The following ISM1 variants were observed in gnomAD, a reference collection of about 807,000 sequenced individuals.
The protein encoded by ISM1 is isthmin-1.
ISM1 carries 25 observed loss-of-function variants against 46.3 expected under a neutral mutation model. The observed-to-expected ratio is 0.54, with a 90% confidence interval of 0.39 to 0.75. The LOEUF (loss-of-function observed/expected upper bound fraction) is 0.75, where lower values mean the gene tolerates loss of function less well. ISM1 is among the 30% of genes least tolerant of loss of function. ISM1 has a pLI of 0.00. For missense variants in ISM1, 536 were observed against 625.4 expected (o/e 0.86, Z 1.52); for synonymous variants, 255 against 256.7 (o/e 0.99, Z 0.06).
the ISM1 span, among the ~76,000 whole-genome samples, chr20:13,323,355 T>C: frequency 6.6e-6 from 1 of 152,012 alleles, no homozygotes; most frequent in Non-Finnish European, 1.5e-5. Flanking sequence ...GGCAAGAAAG[T>C]TGGAATCACA....
chr20:13,285,674 G>A (rs561146483), intron 3 of ISM1, among the ~76,000 whole-genome samples: 7 of 152,208 alleles, frequency 4.6e-5, no homozygotes, highest in African/African-American at 1.4e-4. Context: ...GAATCAGCCC[G>A]AGAGGGGAGT....
At chr20:13,290,377 C>T (rs1203853233) in intron 4 of ISM1, among the ~76,000 whole-genome samples, 5 of 152,146 alleles carry the variant, frequency 3.3e-5, no homozygotes, top group African/African-American at 7.2e-5. Context: ...TTGCCTGGTG[C>T]GGTGGCTCAT....
In ISM1 at chr20:13,261,757, T is replaced by C. The variant is rs1468195573; in HGVS notation, c.139-8747T>C. On this transcript the variant is annotated intron_variant, in intron 1 of 5. Coordinates refer to ENST00000262487, the MANE Select transcript of ISM1 (RefSeq NM_080826.2). ...AGGTTTCAATGAGGGTTCTTAACTTTAGTGTTGAGAAGAATCCATCTCCTT... is the reference window on the plus strand; with the variant it reads ...AGGTTTCAATGAGGGTTCTTAACTTCAGTGTTGAGAAGAATCCATCTCCTT... 6.6e-5 allele frequency among the ~76,000 whole-genome samples: 10 copies of C among 152,174 alleles called. No homozygotes were observed. In the East Asian group the frequency reaches 1.7e-3, roughly 26 times the overall value.
chr20:13,228,599 A>C lies in ISM1; in HGVS notation c.138+6685A>C, dbSNP rs191826666. ...TTTTTCCTTTATTTTAATGTTCGGAAATTTTACCAGGTTGTGTTTAGATTC... is the reference window on the plus strand; with the variant it reads ...TTTTTCCTTTATTTTAATGTTCGGACATTTTACCAGGTTGTGTTTAGATTC... On this transcript the variant is annotated intron_variant, in intron 1 of 5. Coordinates refer to ENST00000262487, the MANE Select transcript of ISM1 (RefSeq NM_080826.2). 1.1e-4 allele frequency among the ~76,000 whole-genome samples: 16 copies of C among 152,176 alleles called. No homozygotes were observed. The East Asian group carries it at 2.9e-3, about 28-fold the overall frequency.
At chr20:13,275,722 C>A (rs2040171587) in intron 2 of ISM1, among the ~76,000 whole-genome samples, 1 of 152,146 alleles carries the variant, frequency 6.6e-6, no homozygotes, top group Non-Finnish European at 1.5e-5. Flanking sequence ...TAGCACAGGG[C>A]CCAGTATAGG....
the ISM1 span, among the ~76,000 whole-genome samples, chr20:13,318,088 A>G: frequency 6.6e-6 from 1 of 151,620 alleles, no homozygotes; most frequent in Non-Finnish European, 1.5e-5. Context: ...ACTCAACAAT[A>G]AGAACACAAA....
chr20:13,264,653 T>C (rs2040023540), intron 1 of ISM1, among the ~76,000 whole-genome samples: 1 of 152,208 alleles, frequency 6.6e-6, no homozygotes, highest in Non-Finnish European at 1.5e-5. Flanking sequence ...CCATCCACCT[T>C]GGTCACAAAC....
intron 2 of ISM1, among the ~76,000 whole-genome samples, chr20:13,273,868 G>A (rs925760250): frequency 1.3e-5 from 2 of 152,182 alleles, no homozygotes; most frequent in African/African-American, 4.8e-5. Flanking sequence ...AATACAGAGG[G>A]GTGGAGGGTG....
intron 2 of ISM1, among the ~76,000 whole-genome samples, chr20:13,277,498 C>T (rs1342355052): frequency 6.6e-6 from 1 of 152,164 alleles, no homozygotes; most frequent in Non-Finnish European, 1.5e-5. Flanking sequence ...CTCGGCTCTA[C>T]CCAGCTGTGT....
rs752811740 is a variant in ISM1, at chr20:13,221,727, C to T, written c.-50C>T. The T allele has an allele frequency of 3.0e-6, 4 of 1,338,524 alleles. No homozygotes were observed. In the South Asian group the frequency reaches 7.6e-5, roughly 25 times the overall value. 82.9% of individuals were successfully genotyped at this position (1,338,524 alleles called of 1,614,324 possible). ...ACTCCTCCTCCCCCGGCGTCACCGC[C>T]GCCGCCGCCGGCCGCCGCGCCGGGT... On this transcript the variant is annotated 5_prime_UTR_variant, in exon 1 of 6. Transcript: ENST00000262487.
At chr20:13,285,314 G>GA (rs73619823) in intron 3 of ISM1, among the ~76,000 whole-genome samples, 33,638 of 150,400 alleles carry the variant, frequency 0.22, 3,758 homozygotes, top group African/African-American at 0.26. Flanking sequence ...AAAAAGAAAG[G>GA]AAAAAAAAAG....
intron 5 of ISM1, among the ~76,000 whole-genome samples, chr20:13,294,188 AT>A (rs1293533448): frequency 2.6e-5 from 4 of 152,154 alleles, no homozygotes; most frequent in Non-Finnish European, 5.9e-5. Flanking sequence ...TTATATCTTA[AT>A]TTTTTAAATG....
chr20:13,298,359 G>T (rs2040426829), intron 5 of ISM1, among the ~76,000 whole-genome samples: 1 of 151,988 alleles, frequency 6.6e-6, no homozygotes, highest in Non-Finnish European at 1.5e-5. Flanking sequence ...AAGATGATCC[G>T]CCCGCCTCAG....
intron 5 of ISM1, among the ~76,000 whole-genome samples, chr20:13,298,606 G>A (rs2040429104): frequency 6.6e-6 from 1 of 152,148 alleles, no homozygotes; most frequent in South Asian, 2.1e-4. Context: ...GTTAAATCCA[G>A]GTGATGAAAT....
At chr20:13,275,967 T>C (rs941952415) in intron 2 of ISM1, among the ~76,000 whole-genome samples, 1 of 152,204 alleles carries the variant, frequency 6.6e-6, no homozygotes, top group African/African-American at 2.4e-5. Flanking sequence ...GTGCTGCAAG[T>C]CTCAAAGCAG....
intron 1 of ISM1, among the ~76,000 whole-genome samples, chr20:13,223,050 T>C (rs1051659809): frequency 5.3e-5 from 8 of 151,894 alleles, no homozygotes; most frequent in East Asian, 1.9e-4. Flanking sequence ...GTAGTCCCAG[T>C]TACTCGGGAG....
chr20:13,262,565 C>T (rs1485333068), intron 1 of ISM1, among the ~76,000 whole-genome samples: 1 of 151,718 alleles, frequency 6.6e-6, no homozygotes, highest in Non-Finnish European at 1.5e-5. Context: ...TCAGTTCATT[C>T]TTTAGCCTAA....
intron 1 of ISM1, among the ~76,000 whole-genome samples, chr20:13,266,677 G>T (rs144138540): frequency 2.0e-5 from 3 of 152,276 alleles, no homozygotes; most frequent in Admixed American, 1.3e-4. Context: ...GGGGCAGAAT[G>T]AATTCAATGG....
In ISM1 at chr20:13,292,396, A is replaced by G. The variant is rs936355613; in HGVS notation, c.810A>G (p.Thr270=). The part of the protein sequence containing the change: ...NCPGIEDTFR[T]AATEVSLLAG... ...TAGGAATTGAAGACACTTTTAGGAC[A>G]GCTGCCACCGAAGTGAGTCTGCTTG... Residue 270 remains threonine (T), a synonymous_variant, in exon 5 of 6, where the codon ACA becomes ACG. Transcript: ENST00000262487. 2.5e-6 allele frequency: 4 copies of G among 1,605,598 alleles called. No individual in the cohort carries two copies. Among genetic ancestry groups the G allele is most frequent in the Non-Finnish European group, 3.4e-6 (4 of 1,175,706 alleles).
Sources: gnomAD v4.1 joint callset for allele counts (sites outside exome capture counted in the v4.1 genomes callset) on GRCh38, gnomAD v4.1.1 for gene constraint, MANE v1.5 for transcripts, NCBI Gene and HGNC (gene_info 2026-07-23, HGNC 2026-07-21) for gene names.